Variants in PAPPA observed in about 807,000 individuals in gnomAD.
PAPPA encodes the protein pappalysin 1, also known as pappalysin-1.
Under a neutral mutation model 164.0 loss-of-function variants are expected in PAPPA, and 60 were observed. That is an observed-to-expected ratio of 0.37 (90% CI 0.30 to 0.45). The LOEUF (loss-of-function observed/expected upper bound fraction) is 0.45. Ranked by LOEUF, PAPPA falls within the 20% of genes least tolerant of loss-of-function variation. PAPPA has a pLI of 1.00. For missense variants in PAPPA, 1,782 were observed against 2,087.3 expected (o/e 0.85, Z 2.85); for synonymous variants, 875 against 814.1 (o/e 1.07, Z -1.27).
At chr9:116,189,342 A>G (rs1844015456) in intron 2 of PAPPA, among the ~76,000 whole-genome samples, 1 of 152,242 alleles carries the variant, frequency 6.6e-6, no homozygotes, top group African/African-American at 2.4e-5. Flanking sequence ...TTTCACTATA[A>G]TAAACTGTTT....
At chr9:116,180,059 C>A (rs564381963) in intron 1 of PAPPA, among the ~76,000 whole-genome samples, 5 of 152,192 alleles carry the variant, frequency 3.3e-5, no homozygotes, top group African/African-American at 9.6e-5. Flanking sequence ...CTGCCTTTTA[C>A]CCTGCCCCAC....
At chr9:116,191,595 A>G (rs62574178) in intron 2 of PAPPA, among the ~76,000 whole-genome samples, 2,836 of 152,318 alleles carry the variant, frequency 0.019, 39 homozygotes, top group Non-Finnish European at 0.028. Flanking sequence ...ATAGAAACAT[A>G]AGAAACTCTG....
intron 9 of PAPPA, among the ~76,000 whole-genome samples, chr9:116,301,541 G>A (rs1448142273): frequency 3.3e-5 from 5 of 152,182 alleles, no homozygotes; most frequent in Admixed American, 6.5e-5. Flanking sequence ...GTTTTTCCTT[G>A]TATTGTTCTG....
chr9:116,185,170 G>T (rs574574313), intron 1 of PAPPA, among the ~76,000 whole-genome samples: 9 of 152,250 alleles, frequency 5.9e-5, no homozygotes, highest in Non-Finnish European at 1.3e-4. Flanking sequence ...TACTTAACCC[G>T]CTCCTTTACC....
intron 9 of PAPPA, among the ~76,000 whole-genome samples, chr9:116,296,987 TG>T (rs576277839): frequency 2.0e-3 from 309 of 152,212 alleles, no homozygotes; most frequent in African/African-American, 7.2e-3. Flanking sequence ...CCTGTGTAGC[TG>T]GGATTACAGG....
chr9:116,343,741 T>TTTTTTTTATTTATTTA (rs1554753946), intron 13 of PAPPA, among the ~76,000 whole-genome samples: 4 of 142,230 alleles, frequency 2.8e-5, no homozygotes, highest in South Asian at 2.3e-4. Flanking sequence ...TACCACTTAT[T>TTTTTTTTATTTATTTA]TTTATTTATT....
intron 9 of PAPPA, among the ~76,000 whole-genome samples, chr9:116,299,778 T>C (rs1845556939): frequency 6.6e-6 from 1 of 152,136 alleles, no homozygotes; most frequent in Non-Finnish European, 1.5e-5. Context: ...TTCCTCAAGC[T>C]CACAGTTTTC....
intron 9 of PAPPA, 138 bp from the exon 10 acceptor site, chr9:116,302,619 A>C: frequency 1.7e-6 from 1 of 601,644 alleles, no homozygotes; most frequent in Non-Finnish European, 2.9e-6. Flanking sequence ...AGACTGAGTA[A>C]TAGTCCATCG....
intron 21 of PAPPA, among the ~76,000 whole-genome samples, chr9:116,384,842 G>A (rs1846785322): frequency 6.6e-6 from 1 of 152,180 alleles, no homozygotes; most frequent in South Asian, 2.1e-4. Context: ...ATTTGAAATA[G>A]AAGTTTTTAC....
At chr9:116,178,194 C>T (rs1341839311) in intron 1 of PAPPA, among the ~76,000 whole-genome samples, 2 of 152,168 alleles carry the variant, frequency 1.3e-5, no homozygotes, top group African/African-American at 4.8e-5. Context: ...GCAATCTCTG[C>T]CTCCTGGGTT....
At chr9:116,290,126 A>C (rs1184552983) in intron 9 of PAPPA, among the ~76,000 whole-genome samples, 1 of 152,212 alleles carries the variant, frequency 6.6e-6, no homozygotes, top group African/African-American at 2.4e-5. Flanking sequence ...CCCACTTTTG[A>C]AAATGGGTAG....
intron 10 of PAPPA, among the ~76,000 whole-genome samples, chr9:116,306,231 G>C (rs1354126698): frequency 6.6e-6 from 1 of 152,186 alleles, no homozygotes; most frequent in East Asian, 1.9e-4. Context: ...CACTGTACAA[G>C]AGTTAGGAGT....
At chr9:116,243,939 T>C (rs980998541) in intron 7 of PAPPA, among the ~76,000 whole-genome samples, 3 of 152,106 alleles carry the variant, frequency 2.0e-5, no homozygotes, top group Non-Finnish European at 4.4e-5. Context: ...AGCATCAGTA[T>C]AGAGAGTTGT....
intron 18 of PAPPA, among the ~76,000 whole-genome samples, chr9:116,365,576 G>GGAT (rs906296950): frequency 7.8e-6 from 1 of 127,684 alleles, no homozygotes; most frequent in African/African-American, 2.6e-5. Flanking sequence ...TCCTCTCTTG[G>GGAT]GATAAGATAG....
chr9:116,372,350 A>T (rs1048269883), intron 19 of PAPPA, among the ~76,000 whole-genome samples: 2 of 152,224 alleles, frequency 1.3e-5, no homozygotes, highest in African/African-American at 4.8e-5. Flanking sequence ...TTTCTTGGGT[A>T]CAAGAAATCT....
intron 7 of PAPPA, among the ~76,000 whole-genome samples, chr9:116,259,423 G>A (rs1445733546): frequency 2.0e-5 from 3 of 152,032 alleles, no homozygotes; most frequent in Non-Finnish European, 4.4e-5. Context: ...TTAATATCCA[G>A]TATATGTAAA....
chr9:116,204,581 A>G (rs1012109596), intron 2 of PAPPA, among the ~76,000 whole-genome samples: 1 of 151,680 alleles, frequency 6.6e-6, no homozygotes, highest in African/African-American at 2.4e-5. Flanking sequence ...GCCCAGCTAA[A>G]TTTTTTGAAT....
intron 20 of PAPPA, 149 bp downstream of exon 20, chr9:116,377,796 G>A: frequency 3.2e-6 from 2 of 620,992 alleles, no homozygotes. Flanking sequence ...GGGATTAGCA[G>A]CCTTATTTTA....
chr9:116,173,590 C>T (rs972682640), intron 1 of PAPPA, among the ~76,000 whole-genome samples: 7 of 152,324 alleles, frequency 4.6e-5, no homozygotes, highest in Middle Eastern at 3.4e-3. Context: ...CATTGTACTT[C>T]ATTTCCCTCA....
Sources: gnomAD v4.1 joint callset for allele counts (sites outside exome capture counted in the v4.1 genomes callset) on GRCh38, gnomAD v4.1.1 for gene constraint, MANE v1.5 for transcripts, NCBI Gene and HGNC (gene_info 2026-07-23, HGNC 2026-07-21) for gene names.